ITGA7: variants seen among roughly 807,000 people sequenced by gnomAD.
ITGA7 encodes integrin subunit alpha 7.
ITGA7 carries 84 observed loss-of-function variants against 131.6 expected under a neutral mutation model. That is an observed-to-expected ratio of 0.64 (90% CI 0.54 to 0.77). The LOEUF (loss-of-function observed/expected upper bound fraction) is 0.77, where lower values mean the gene tolerates loss of function less well. Ranked by LOEUF, ITGA7 falls within the 30% of genes least tolerant of loss-of-function variation. The pLI, the probability that ITGA7 is intolerant of heterozygous loss-of-function variation, is 0.00. For synonymous variants in ITGA7, 548 were observed against 600.7 expected, an observed-to-expected ratio of 0.91 and a Z score of 1.28; for missense variants, 1,399 against 1,482.9, an observed-to-expected ratio of 0.94 and a Z score of 0.93.
chr12:55,702,203 G>T (rs1252803284), intron 3 of ITGA7, among the ~76,000 whole-genome samples: 2 of 143,592 alleles, frequency 1.4e-5, no homozygotes. Context: ...TTTTTGAGAC[G>T]GAGTCTCGCT....
At position 55,703,677 on chromosome 12, in the gene ITGA7, G is replaced by A. The variant is rs547485548; in HGVS notation, c.207-499C>T. Reference sequence around the variant, plus strand: ...GTGTGGCTCAGGGACCAGCTTCAGAGGCCAGGCAAGAGGCTAGATACGGAC... The same window carrying A: ...GTGTGGCTCAGGGACCAGCTTCAGAAGCCAGGCAAGAGGCTAGATACGGAC... On this transcript the variant is annotated intron_variant, in intron 1 of 24. Coordinates refer to ENST00000257879, the MANE Select transcript of ITGA7 (RefSeq NM_002206.3). Among the ~76,000 whole-genome samples the A allele has an allele frequency of 2.0e-5, 3 of 152,214 alleles. No homozygotes were observed. The East Asian group carries it at 5.8e-4, about 29-fold the overall frequency.
intron 7 of ITGA7, 70 bp downstream of exon 7, chr12:55,698,313 A>T: frequency 7.2e-7 from 1 of 1,383,826 alleles, no homozygotes; most frequent in Non-Finnish European, 9.8e-7. Flanking sequence ...CCACACCCTG[A>T]CCTCTGAGGG....
Position 55,693,202 on chromosome 12 carries a change from T to A in ITGA7, c.2651A>T (p.Glu884Val), listed in dbSNP as rs149963176. The A allele has an allele frequency of 1.3e-4, 211 of 1,613,498 alleles. No homozygotes were observed. The African/African-American group carries it at 2.5e-3, about 19-fold the overall frequency. Reference sequence around the variant, plus strand: ...TTTCTGCCCAGGCCCCTGCCCGCCCTCCAGCTCAACCTGCATTGGGTACAG... The same window carrying A: ...TTTCTGCCCAGGCCCCTGCCCGCCCACCAGCTCAACCTGCATTGGGTACAG... ...WLLYPMQVELEGGQGPGQKGL... is the reference protein window; with the variant it reads ...WLLYPMQVELVGGQGPGQKGL... The change falls in exon 20 of 25, where the codon GAG becomes GTG. Residue 884 changes from glutamate (E) to valine (V), a missense_variant. Coordinates refer to ENST00000257879, the MANE Select transcript of ITGA7 (RefSeq NM_002206.3).
At chr12:55,707,384 C>G in intron 1 of ITGA7, 93 bp downstream of exon 1, 1 of 1,036,982 alleles carries the variant, frequency 9.6e-7, no homozygotes. Context: ...CTTGGTGGGG[C>G]TAGAAAACAG....
chr12:55,712,472 C>A, upstream of ITGA7: 1 of 593,302 alleles, frequency 1.7e-6, no homozygotes. Context: ...TTTGGCCCAG[C>A]CAGTCAGTTT....
chr12:55,705,459 G>A (rs985197190), intron 1 of ITGA7, among the ~76,000 whole-genome samples: 2 of 151,136 alleles, frequency 1.3e-5, no homozygotes, highest in Non-Finnish European at 2.9e-5. Context: ...AGTAGCCCAC[G>A]ACCACTGCAC....
intron 21 of ITGA7, among the ~76,000 whole-genome samples, chr12:55,691,253 C>T (rs2135976415): frequency 6.6e-6 from 1 of 152,208 alleles, no homozygotes; most frequent in East Asian, 1.9e-4. Context: ...TATGTGGAAT[C>T]TGAAAGTTGA....
Position 55,697,713 on chromosome 12 carries a change from TCAGC to T in ITGA7, c.1387_1390del (p.Ala463ThrfsTer42). 1 of 1,614,076 alleles carries T rather than the reference TCAGC, an allele frequency of 6.2e-7. No homozygotes were observed. The highest frequency in any genetic ancestry group is 8.5e-7 in the Non-Finnish European group (1 of 1,179,980). On this transcript the variant is annotated frameshift_variant, in exon 9 of 25. Coordinates refer to ENST00000257879, the MANE Select transcript of ITGA7 (RefSeq NM_002206.3). LOFTEE classifies it high-confidence loss of function. ...GGCTCACCTGAAGAGCACTGCGGTGTCAGCCAGGGAGCCCACCAGCAGGTCAGGG... is the reference window on the plus strand; with the variant it reads ...GGCTCACCTGAAGAGCACTGCGGTGTCAGGGAGCCCACCAGCAGGTCAGGG...
At chr12:55,699,716 C>T (rs1307770886) in intron 5 of ITGA7, 154 bp downstream of exon 5, 7 of 1,022,432 alleles carry the variant, frequency 6.8e-6, no homozygotes, top group Non-Finnish European at 1.0e-5. Flanking sequence ...GATCATTGGA[C>T]CCAGCTCTTC....
intron 21 of ITGA7, 51 bp from the exon 22 acceptor site, chr12:55,689,008 A>G: frequency 7.2e-7 from 1 of 1,386,898 alleles, no homozygotes; most frequent in Non-Finnish European, 1.0e-6. Flanking sequence ...AACCCTGCTG[A>G]GACTGCCATC....
At chr12:55,695,022 T>C (rs116677242) in intron 14 of ITGA7, 52 bp from the exon 15 acceptor site, 5 of 1,526,796 alleles carry the variant, frequency 3.3e-6, no homozygotes, top group East Asian at 2.3e-5. Flanking sequence ...CCCCCTACCA[T>C]TCCCCCGCCC....
upstream of ITGA7, chr12:55,712,104 G>A (rs1337757332): frequency 1.3e-6 from 2 of 1,551,530 alleles, no homozygotes; most frequent in South Asian, 2.4e-5. Context: ...CTGAATTCTG[G>A]TTGTAGTCAA....
chr12:55,701,392 A>G, intron 3 of ITGA7: 2 of 1,551,870 alleles, frequency 1.3e-6, no homozygotes, highest in African/African-American at 2.7e-5. Flanking sequence ...CTTGCCCTCA[A>G]ATGGAGATCT....
upstream of ITGA7, chr12:55,715,989 G>C (rs1876481215): frequency 1.4e-6 from 2 of 1,478,618 alleles, no homozygotes; most frequent in South Asian, 2.6e-5. Context: ...TCCCCGCCAA[G>C]ATCTTCACCC....
chr12:55,709,538 C>T (rs1240145514), upstream of ITGA7, among the ~76,000 whole-genome samples: 6 of 152,194 alleles, frequency 3.9e-5, no homozygotes, highest in Non-Finnish European at 8.8e-5. Context: ...GTCAGCAGGG[C>T]TGGCACCAGG....
Position 55,697,003 on chromosome 12 carries a change from A to T in ITGA7, c.1633T>A (p.Phe545Ile). Residue 545 changes from phenylalanine to isoleucine, a missense_variant, in exon 12 of 25, where the codon TTC becomes ATC. By Grantham distance (21) the Phe-to-Ile change is conservative. Coordinates refer to ENST00000257879, the MANE Select transcript of ITGA7 (RefSeq NM_002206.3). The stretch of plus-strand genomic sequence containing the variant: ...GGTTCTTCCAGGTTACGGCTCAGGA[A>T]CGTCACACGGGGAACCTGGCCCCGG... ...RLRGQVPRVTFLSRNLEEPKH... is the reference protein window; with the variant it reads ...RLRGQVPRVTILSRNLEEPKH... The T allele has an allele frequency of 6.2e-7, 1 of 1,614,108 alleles. No homozygotes were observed. Among genetic ancestry groups the T allele is most frequent in the Non-Finnish European group, 8.5e-7 (1 of 1,180,014 alleles).
chr12:55,698,582 G>A lies in ITGA7; in HGVS notation c.999-6C>T. The A allele has an allele frequency of 6.2e-7, 1 of 1,614,130 alleles. No individual in the cohort carries two copies. Among genetic ancestry groups the A allele is most frequent in the Non-Finnish European group, 8.5e-7 (1 of 1,180,004 alleles). On this transcript the variant is annotated splice_region_variant and splice_polypyrimidine_tract_variant and intron_variant, in intron 6 of 24. Transcript: ENST00000257879. The stretch of plus-strand genomic sequence containing the variant: ...CCACTATCAGGTCTGGCCAGCTATG[G>A]AGAGAGGGAAACATTCAGTGTGGGT...
upstream of ITGA7, among the ~76,000 whole-genome samples, chr12:55,710,300 G>A (rs1875966518): frequency 6.6e-6 from 1 of 152,080 alleles, no homozygotes; most frequent in Admixed American, 6.6e-5. Flanking sequence ...GACGGAGGTT[G>A]CAGTGAGCTG....
chr12:55,699,670 A>C, intron 5 of ITGA7, 200 bp downstream of exon 5: 1 of 646,806 alleles, frequency 1.5e-6, no homozygotes, highest in Non-Finnish European at 2.7e-6. Context: ...ACAGCCCCAG[A>C]GGCCACCACC....
Sources: gnomAD v4.1 joint callset for allele counts (sites outside exome capture counted in the v4.1 genomes callset) on GRCh38, gnomAD v4.1.1 for gene constraint, MANE v1.5 for transcripts, NCBI Gene and HGNC (gene_info 2026-07-23, HGNC 2026-07-21) for gene names.